The following KCTD9 variants were observed in gnomAD, a reference collection of about 807,000 sequenced individuals.
The protein encoded by KCTD9 is BTB/POZ domain-containing protein KCTD9.
Under a neutral mutation model 53.3 loss-of-function variants are expected in KCTD9, and 17 were observed. The observed-to-expected ratio is 0.32, with a 90% CI of 0.22 to 0.48. KCTD9 has a LOEUF of 0.48. KCTD9 is among the 20% of genes least tolerant of loss of function. The pLI, the probability that KCTD9 is intolerant of heterozygous loss-of-function variation, is 0.99. For missense variants in KCTD9, 179 were observed against 465.5 expected (o/e 0.38, Z 5.66); for synonymous variants, 128 against 162.7 (o/e 0.79, Z 1.62).
intron 5 of KCTD9, 67 bp downstream of exon 5, chr8:25,439,539 G>C (rs1258864054): frequency 6.3e-7 from 1 of 1,585,698 alleles, no homozygotes; most frequent in Non-Finnish European, 8.6e-7. Flanking sequence ...AGAAGGTCAG[G>C]AGTTATAAAG....
At chr8:25,435,847 A>G (rs2117394769) in intron 8 of KCTD9, among the ~76,000 whole-genome samples, 1 of 152,334 alleles carries the variant, frequency 6.6e-6, no homozygotes, top group East Asian at 1.9e-4. Flanking sequence ...TTATTAATTC[A>G]GTAATTCAAA....
intron 8 of KCTD9, 109 bp downstream of exon 8, chr8:25,436,126 G>T: frequency 2.7e-6 from 2 of 751,126 alleles, no homozygotes; most frequent in Non-Finnish European, 4.7e-6. Flanking sequence ...ATTAGATCTT[G>T]CATGTAAAAG....
chr8:25,448,315 C>T (rs771853250), intron 1 of KCTD9, among the ~76,000 whole-genome samples: 6 of 152,028 alleles, frequency 3.9e-5, no homozygotes, highest in Non-Finnish European at 5.9e-5. Flanking sequence ...ATACCACTCA[C>T]ATGAAAGTAC....
chr8:25,454,423 T>C (rs572238155), intron 1 of KCTD9, among the ~76,000 whole-genome samples: 29 of 150,108 alleles, frequency 1.9e-4, no homozygotes, highest in African/African-American at 5.4e-4. Context: ...TATTCTGAAG[T>C]AAAAAAAGCA....
rs1325978077 is a variant in KCTD9, at chr8:25,428,467, G to A, written c.*1390C>T. On this transcript the variant is annotated 3_prime_UTR_variant, in exon 12 of 12. Coordinates refer to ENST00000221200, the MANE Select transcript of KCTD9 (RefSeq NM_017634.4). ...ATGTCATTCTCCCAAAGGAGACACA[G>A]GTGGTTTTCAATGATTCCTTGCCTC... 1 of 152,436 alleles carries A rather than the reference G, an allele frequency of 6.6e-6. No homozygotes were observed. The highest frequency in any genetic ancestry group is 1.5e-5 in the Non-Finnish European group (1 of 67,988). The allele number at this position is 152,436 out of a possible 1,614,324, so 9.4% of individuals were successfully genotyped here. A position where few individuals can be genotyped will look rare whatever the true frequency, so the allele number is the denominator to read the frequency against.
rs1375708777 is a variant in KCTD9 at position 25,428,552 on chromosome 8, G to A, written c.*1305C>T. ...GGACACAGCTAATATCCCTGCTCTT[G>A]GGGTAGAAAATAAGGACACCAAGTC... On this transcript the variant is annotated 3_prime_UTR_variant, in exon 12 of 12. Transcript: ENST00000221200. The A allele has an allele frequency of 6.6e-6, 1 of 152,332 alleles. No homozygotes were observed. Among genetic ancestry groups the A allele is most frequent in the Non-Finnish European group, 1.5e-5 (1 of 68,010 alleles). 9.4% of individuals were successfully genotyped at this position (152,332 alleles called of 1,614,324 possible).
At chr8:25,458,137 TTCCGCACCG>T in intron 1 of KCTD9, 53 bp downstream of exon 1, 1 of 1,450,134 alleles carries the variant, frequency 6.9e-7, no homozygotes, top group Non-Finnish European at 9.4e-7. Flanking sequence ...CGCCAGCCGG[TTCCGCACCG>T]TCCGCCCTCG....
intron 6 of KCTD9, among the ~76,000 whole-genome samples, chr8:25,437,011 A>T (rs1586425660): frequency 6.6e-6 from 1 of 152,226 alleles, no homozygotes. Flanking sequence ...AACACTTACA[A>T]GCTAATAAGG....
intron 1 of KCTD9, 120 bp from the exon 2 acceptor site, chr8:25,446,370 G>T: frequency 4.2e-6 from 5 of 1,186,708 alleles, no homozygotes; most frequent in Non-Finnish European, 5.8e-6. Context: ...GACTTCAAAA[G>T]GTTCTTAACA....
At chr8:25,436,647 T>C (rs1227877399) in intron 6 of KCTD9, among the ~76,000 whole-genome samples, 162 bp from the exon 7 acceptor site, 1 of 152,150 alleles carries the variant, frequency 6.6e-6, no homozygotes, top group Non-Finnish European at 1.5e-5. Context: ...TTTTACATAC[T>C]GAATCAGAAA....
intron 1 of KCTD9, among the ~76,000 whole-genome samples, chr8:25,446,483 A>G (rs572080661): frequency 1.9e-4 from 29 of 152,256 alleles, no homozygotes; most frequent in African/African-American, 6.5e-4. Flanking sequence ...ACAATCTACA[A>G]TCCTAAGGTG....
rs747394113 is a variant in KCTD9 at position 25,429,841 on chromosome 8, C to T, written c.*16G>A. Reference sequence around the variant, plus strand: ...ACATTTTCATCTTTTACATCTTCCTCCAGCCCCTAAAATTCTCATCTGACA... The same window carrying T: ...ACATTTTCATCTTTTACATCTTCCTTCAGCCCCTAAAATTCTCATCTGACA... On this transcript the variant is annotated 3_prime_UTR_variant, in exon 12 of 12. Transcript: ENST00000221200. The T allele has an allele frequency of 8.4e-7, 1 of 1,192,292 alleles. No individual in the cohort carries two copies. Among genetic ancestry groups the T allele is most frequent in the Non-Finnish European group, 1.3e-6 (1 of 795,978 alleles). 73.9% of individuals were successfully genotyped at this position (1,192,292 alleles called of 1,614,324 possible). A position where few individuals can be genotyped will look rare whatever the true frequency, so the allele number is the denominator to read the frequency against.
At chr8:25,440,890 C>T (rs1802109189) in intron 3 of KCTD9, among the ~76,000 whole-genome samples, 1 of 152,080 alleles carries the variant, frequency 6.6e-6, no homozygotes, top group Non-Finnish European at 1.5e-5. Context: ...ATGCTTTCAG[C>T]GCCTGTGAAA....
intron 6 of KCTD9, among the ~76,000 whole-genome samples, chr8:25,439,067 A>G (rs1802070723): frequency 1.3e-5 from 2 of 152,256 alleles, no homozygotes; most frequent in Admixed American, 1.3e-4. Flanking sequence ...TACAAAGACT[A>G]TCTACCTGAA....
chr8:25,443,591 C>A (rs1381567146), intron 3 of KCTD9, among the ~76,000 whole-genome samples: 3 of 152,148 alleles, frequency 2.0e-5, no homozygotes, highest in Non-Finnish European at 4.4e-5. Context: ...TTCTTGCTTA[C>A]AGTTTTAAGG....
chr8:25,458,398 G>A lies in KCTD9; in HGVS notation c.-152C>T, dbSNP rs1802522993. 6.0e-6 allele frequency: 5 copies of A among 830,592 alleles called. No individual in the cohort carries two copies. The Admixed American group carries it at 6.3e-5, about 11-fold the overall frequency. 51.5% of individuals were successfully genotyped at this position (830,592 alleles called of 1,614,324 possible). Reference sequence around the variant, plus strand: ...GCCCTTGGGGACACACCACACGCACGCACTCTGTCCCACACCCAAGGTTCG... The same window carrying A: ...GCCCTTGGGGACACACCACACGCACACACTCTGTCCCACACCCAAGGTTCG... On this transcript the variant is annotated 5_prime_UTR_variant, in exon 1 of 12. Transcript: ENST00000221200.
intron 1 of KCTD9, among the ~76,000 whole-genome samples, chr8:25,457,918 C>T (rs1802496249): frequency 6.6e-6 from 1 of 150,906 alleles, no homozygotes. Flanking sequence ...GCCCCCGTCC[C>T]CGCGCCCCCC....
chr8:25,448,084 C>T lies in KCTD9; in HGVS notation c.49-1834G>A, dbSNP rs545384249. Among the ~76,000 whole-genome samples the T allele has an allele frequency of 1.8e-3, 272 of 151,042 alleles. 3 individuals are homozygous for T. The South Asian group carries it at 0.034, about 19-fold the overall frequency. On this transcript the variant is annotated intron_variant, in intron 1 of 11. Coordinates refer to ENST00000221200, the MANE Select transcript of KCTD9 (RefSeq NM_017634.4). ...TCAAGGCTGCAGTGAGCCAAGATCA[C>T]GCCACTGCACTCCAGCCTGGACATG...
chr8:25,441,790 G>A (rs943626430), intron 3 of KCTD9, among the ~76,000 whole-genome samples: 2 of 151,986 alleles, frequency 1.3e-5, no homozygotes, highest in Non-Finnish European at 2.9e-5. Flanking sequence ...TCAGGAGTTC[G>A]AGACCAGCCT....
Sources: gnomAD v4.1 joint callset for allele counts (sites outside exome capture counted in the v4.1 genomes callset) on GRCh38, gnomAD v4.1.1 for gene constraint, MANE v1.5 for transcripts, NCBI Gene and HGNC (gene_info 2026-07-23, HGNC 2026-07-21) for gene names.